The following RABGAP1L variants were observed in gnomAD, a reference collection of about 807,000 sequenced individuals.
The protein encoded by RABGAP1L is rab GTPase-activating protein 1-like.
Under a neutral mutation model 137.7 loss-of-function variants are expected in RABGAP1L, and 63 were observed. The ratio of observed to expected loss-of-function variants is 0.46; its 90% CI spans 0.37 to 0.56. RABGAP1L has a LOEUF of 0.56. Ranked by LOEUF, RABGAP1L falls within the 20% of genes least tolerant of loss-of-function variation. RABGAP1L has a pLI of 0.00. For missense variants in RABGAP1L, 1,095 were observed against 1,244.0 expected, an observed-to-expected ratio of 0.88 and a Z score of 1.80; for synonymous variants, 431 against 433.7, an observed-to-expected ratio of 0.99 and a Z score of 0.08.
At chr1:174,535,041 G>A (rs1410798644) in intron 13 of RABGAP1L, among the ~76,000 whole-genome samples, 1 of 152,054 alleles carries the variant, frequency 6.6e-6, no homozygotes, top group African/African-American at 2.4e-5. Flanking sequence ...ATATCTCCTT[G>A]TTCTCAGGAA....
At chr1:174,534,032 C>A (rs537087515) in intron 13 of RABGAP1L, among the ~76,000 whole-genome samples, 1 of 151,940 alleles carries the variant, frequency 6.6e-6, no homozygotes, top group Non-Finnish European at 1.5e-5. Flanking sequence ...TAGCAGTAGG[C>A]TACTAGTAGT....
intron 13 of RABGAP1L, among the ~76,000 whole-genome samples, chr1:174,604,246 TG>T (rs1463249666): frequency 6.6e-6 from 1 of 152,196 alleles, no homozygotes; most frequent in Non-Finnish European, 1.5e-5. Flanking sequence ...GATTCCCCTC[TG>T]GCTGTGACTG....
intron 14 of RABGAP1L, among the ~76,000 whole-genome samples, chr1:174,642,316 T>G (rs1674589653): frequency 6.6e-6 from 1 of 152,024 alleles, no homozygotes; most frequent in Non-Finnish European, 1.5e-5. Flanking sequence ...CCAAATATTT[T>G]TATCAAAAAG....
chr1:174,979,060 C>T (rs1051355034), intron 23 of RABGAP1L, among the ~76,000 whole-genome samples, 170 bp downstream of exon 23: 3 of 151,894 alleles, frequency 2.0e-5, no homozygotes, highest in Non-Finnish European at 4.4e-5. Context: ...TGGCATGTGC[C>T]GGTAGTCCCA....
chr1:174,903,379 G>A (rs12070082), intron 19 of RABGAP1L, among the ~76,000 whole-genome samples: 6,976 of 152,276 alleles, frequency 0.046, 535 homozygotes, highest in African/African-American at 0.16. Context: ...TGAGTGGAAT[G>A]TGATAATATA....
chr1:174,171,763 G>A (rs1372640302), intron 1 of RABGAP1L, among the ~76,000 whole-genome samples: 1 of 151,912 alleles, frequency 6.6e-6, no homozygotes, highest in African/African-American at 2.4e-5. Context: ...AGCACTTTGG[G>A]AGGCCGAGGC....
At chr1:174,781,511 T>C (rs1687006288) in intron 18 of RABGAP1L, among the ~76,000 whole-genome samples, 1 of 152,224 alleles carries the variant, frequency 6.6e-6, no homozygotes, top group South Asian at 2.1e-4. Context: ...TCCCATTCTG[T>C]AGGTTGCCTG....
At chr1:174,222,720 A>ACCACAC (rs1281842711) in intron 3 of RABGAP1L, among the ~76,000 whole-genome samples, 1 of 152,242 alleles carries the variant, frequency 6.6e-6, no homozygotes, top group Admixed American at 6.5e-5. Flanking sequence ...TTGACGTTGT[A>ACCACAC]CTAAAGAATC....
intron 13 of RABGAP1L, among the ~76,000 whole-genome samples, chr1:174,622,232 A>G (rs1432627401): frequency 1.3e-5 from 2 of 152,238 alleles, no homozygotes; most frequent in Non-Finnish European, 2.9e-5. Context: ...GTGGAGAAAT[A>G]GGAACACTTT....
At chr1:174,296,397 C>T (rs1177012600) in intron 10 of RABGAP1L, among the ~76,000 whole-genome samples, 2 of 152,148 alleles carry the variant, frequency 1.3e-5, no homozygotes, top group Non-Finnish European at 1.5e-5. Flanking sequence ...TTACTCTCTT[C>T]TTGTACTTTT....
chr1:174,603,576 C>T (rs964459061), intron 13 of RABGAP1L, among the ~76,000 whole-genome samples: 3 of 152,132 alleles, frequency 2.0e-5, no homozygotes, highest in Non-Finnish European at 4.4e-5. Context: ...GCACCCCCAC[C>T]ACAAGACAAA....
intron 22 of RABGAP1L, among the ~76,000 whole-genome samples, chr1:174,977,437 A>T (rs781374494): frequency 6.6e-6 from 1 of 152,172 alleles, no homozygotes; most frequent in African/African-American, 2.4e-5. Flanking sequence ...AGTAAATTTA[A>T]CCCAGGTTCT....
At position 174,991,511 on chromosome 1, in the gene RABGAP1L, T is replaced by G. The variant is rs1016562258; in HGVS notation, c.*1510T>G. On this transcript the variant is annotated 3_prime_UTR_variant, in exon 26 of 26. Coordinates refer to ENST00000681986, the MANE Select transcript of RABGAP1L (RefSeq NM_001366446.1). ...GGAGGATGCACCAAGTTGCTCACAG[T>G]GGATCTTTTCCTCTAAAATGATCTT... 6.6e-6 allele frequency: 1 copy of G among 152,220 alleles called. No homozygotes were observed. The highest frequency in any genetic ancestry group is 2.4e-5 in the African/African-American group (1 of 41,470). The allele number at this position is 152,220 out of a possible 1,614,324, so 9.4% of individuals were successfully genotyped here. A position where few individuals can be genotyped will look rare whatever the true frequency, so the allele number is the denominator to read the frequency against.
intron 1 of RABGAP1L, among the ~76,000 whole-genome samples, chr1:174,191,663 C>G (rs1369025481): frequency 6.6e-6 from 1 of 152,192 alleles, no homozygotes; most frequent in Non-Finnish European, 1.5e-5. Flanking sequence ...ATTCCTGTTG[C>G]TTTCTTCTTG....
At chr1:174,231,504 G>A (rs909509525) in intron 4 of RABGAP1L, 149 bp downstream of exon 4, 4 of 704,772 alleles carry the variant, frequency 5.7e-6, no homozygotes, top group Admixed American at 2.6e-5. Context: ...TGTGTTCATT[G>A]TTTGAAAGGG....
intron 13 of RABGAP1L, among the ~76,000 whole-genome samples, chr1:174,520,660 C>A (rs757094879): frequency 1.3e-5 from 2 of 151,930 alleles, no homozygotes; most frequent in Non-Finnish European, 2.9e-5. Flanking sequence ...ATTAAAATGG[C>A]GTGTGAATAA....
chr1:174,877,545 C>T (rs1224566126), intron 19 of RABGAP1L: 4 of 1,613,996 alleles, frequency 2.5e-6, no homozygotes, highest in Non-Finnish European at 2.5e-6. Context: ...ATGTTTTCAG[C>T]CAGCTGCACG....
intron 19 of RABGAP1L, among the ~76,000 whole-genome samples, chr1:174,895,091 C>T (rs1237433684): frequency 3.9e-5 from 6 of 152,104 alleles, no homozygotes; most frequent in Admixed American, 6.5e-5. Context: ...TGCCAAAAGA[C>T]GAGGACTTCC....
At chr1:174,169,014 T>C (rs1665134877) in intron 1 of RABGAP1L, among the ~76,000 whole-genome samples, 1 of 152,232 alleles carries the variant, frequency 6.6e-6, no homozygotes. Context: ...CTGTCACATA[T>C]AAGTGAGAAC....
Sources: gnomAD v4.1 joint callset for allele counts (sites outside exome capture counted in the v4.1 genomes callset) on GRCh38, gnomAD v4.1.1 for gene constraint, MANE v1.5 for transcripts, NCBI Gene and HGNC (gene_info 2026-07-23, HGNC 2026-07-21) for gene names.